Variants in PLA2R1 observed in about 807,000 individuals in gnomAD.
PLA2R1 encodes the protein secretory phospholipase A2 receptor.
A neutral mutation model predicts 195.9 loss-of-function variants in PLA2R1; 158 were observed. The observed-to-expected ratio is 0.81, with a 90% CI of 0.71 to 0.92. The LOEUF is 0.92. Among genes scored for constraint, PLA2R1 ranks in the 40% least tolerant of loss-of-function variants. The pLI is 0.00. For synonymous variants in PLA2R1, 586 were observed against 598.2 expected, an observed-to-expected ratio of 0.98 and a Z score of 0.30; for missense variants, 1,626 against 1,764.6, an observed-to-expected ratio of 0.92 and a Z score of 1.41.
At chr2:160,028,800 G>A (rs1369255251) in intron 5 of PLA2R1, 50 bp downstream of exon 5, 4 of 1,022,856 alleles carry the variant, frequency 3.9e-6, no homozygotes, top group African/African-American at 3.1e-5. Context: ...TGCTGTGTAA[G>A]GGTGCAAGAT....
At chr2:159,963,997 T>C (rs1014472269) in intron 20 of PLA2R1, among the ~76,000 whole-genome samples, 6 of 152,088 alleles carry the variant, frequency 3.9e-5, no homozygotes, top group African/African-American at 1.2e-4. Context: ...AACAGATGAA[T>C]GAATAAACAA....
intron 14 of PLA2R1, among the ~76,000 whole-genome samples, chr2:159,978,329 GT>G (rs951154533): frequency 6.6e-6 from 1 of 152,056 alleles, no homozygotes; most frequent in African/African-American, 2.4e-5. Flanking sequence ...TAAAATTGGG[GT>G]AAAAATTTGG....
downstream of PLA2R1, among the ~76,000 whole-genome samples, chr2:159,930,466 C>A (rs191264508): frequency 6.6e-6 from 1 of 151,764 alleles, no homozygotes; most frequent in Non-Finnish European, 1.5e-5. Flanking sequence ...ATGATGGGTG[C>A]ACCAAAAATC....
intron 1 of PLA2R1, among the ~76,000 whole-genome samples, chr2:160,055,844 G>A (rs1451738614): frequency 3.3e-5 from 5 of 152,172 alleles, no homozygotes; most frequent in Non-Finnish European, 5.9e-5. Flanking sequence ...CAGTAGAGGG[G>A]CATTTTTACC....
At chr2:159,977,717 C>G (rs763631252) in intron 14 of PLA2R1, among the ~76,000 whole-genome samples, 1 of 152,242 alleles carries the variant, frequency 6.6e-6, no homozygotes, top group African/African-American at 2.4e-5. Context: ...GTGGGCAGAT[C>G]ACAAGCTCAG....
At chr2:159,971,109 A>G (rs1475879447) in intron 17 of PLA2R1, among the ~76,000 whole-genome samples, 1 of 152,216 alleles carries the variant, frequency 6.6e-6, no homozygotes, top group Non-Finnish European at 1.5e-5. Flanking sequence ...AATAATAAAA[A>G]AAGGAACCAG....
At chr2:160,037,079 T>G (rs1192385762) in intron 3 of PLA2R1, among the ~76,000 whole-genome samples, 4 of 152,300 alleles carry the variant, frequency 2.6e-5, no homozygotes, top group Admixed American at 2.6e-4. Flanking sequence ...TATCTACAAG[T>G]TAGATCTTCA....
At chr2:160,053,643 G>A (rs890886169) in intron 1 of PLA2R1, among the ~76,000 whole-genome samples, 1 of 152,212 alleles carries the variant, frequency 6.6e-6, no homozygotes, top group Non-Finnish European at 1.5e-5. Context: ...GCACTGCCCC[G>A]AAATGCTACA....
intron 8 of PLA2R1, among the ~76,000 whole-genome samples, chr2:160,018,089 A>G (rs2105455707): frequency 6.6e-6 from 1 of 152,278 alleles, no homozygotes; most frequent in East Asian, 1.9e-4. Context: ...AATAAATGTT[A>G]ATTTTTACAC....
intron 13 of PLA2R1, among the ~76,000 whole-genome samples, chr2:159,981,487 C>T (rs1187046980): frequency 6.6e-6 from 1 of 152,034 alleles, no homozygotes; most frequent in African/African-American, 2.4e-5. Flanking sequence ...CTCACTGCAA[C>T]CTCCTCTTCC....
chr2:160,029,904 A>C (rs1336863950), intron 4 of PLA2R1, among the ~76,000 whole-genome samples: 1 of 152,210 alleles, frequency 6.6e-6, no homozygotes, highest in Non-Finnish European at 1.5e-5. Flanking sequence ...TTCAGAGCCC[A>C]ATTTATTTTT....
chr2:160,057,903 G>T (rs1360284628), intron 1 of PLA2R1, among the ~76,000 whole-genome samples: 1 of 152,212 alleles, frequency 6.6e-6, no homozygotes, highest in Non-Finnish European at 1.5e-5. Context: ...GCACCAGGGG[G>T]TGAATGCCCC....
intron 19 of PLA2R1, among the ~76,000 whole-genome samples, chr2:159,968,144 T>C (rs1688907323): frequency 6.6e-6 from 1 of 151,782 alleles, no homozygotes; most frequent in Non-Finnish European, 1.5e-5. Context: ...CAGCATTTAA[T>C]ACTGATCCTT....
At chr2:159,929,680 A>G (rs569313912), downstream of PLA2R1, among the ~76,000 whole-genome samples, 366 of 152,322 alleles carry the variant, frequency 2.4e-3, 1 homozygote, top group African/African-American at 8.5e-3. Context: ...ATGACATTAT[A>G]CCAAAAAGAT....
rs1421461426 is a variant in PLA2R1, at chr2:159,937,665, T to A, written c.*4113A>T. 4 of 152,248 alleles carry A rather than the reference T, an allele frequency of 2.6e-5. No individual in the cohort carries two copies. The highest frequency in any genetic ancestry group is 9.6e-5 in the African/African-American group (4 of 41,472). 9.4% of individuals were successfully genotyped at this position (152,248 alleles called of 1,614,324 possible). ...ACCAGACTTTTTCTACAGCTTGTTCTCTGACAATAGTCAGGCAGTGGATGA... is the reference window on the plus strand; with the variant it reads ...ACCAGACTTTTTCTACAGCTTGTTCACTGACAATAGTCAGGCAGTGGATGA... On this transcript the variant is annotated 3_prime_UTR_variant, in exon 30 of 30. Transcript: ENST00000283243.
chr2:159,983,983 C>A lies in PLA2R1; in HGVS notation c.2128G>T (p.Ala710Ser), dbSNP rs1022716678. 1.4e-5 allele frequency: 22 copies of A among 1,600,646 alleles called. No homozygotes were observed. Among genetic ancestry groups the A allele is most frequent in the Non-Finnish European group, 1.8e-5 (21 of 1,168,582 alleles). ...ACAAAATTCTCTTCCTCAATATGGG[C>A]AAAGCTTGCAAGATGAGCTCCAAAT... ...EEFGAHLASF[A>S]HIEEENFVNE... Residue 710 changes from alanine to serine, a missense_variant, in exon 13 of 30, where the codon GCC becomes TCC. Ala to Ser is a moderately conservative substitution (Grantham distance 99). Transcript: ENST00000283243.
chr2:160,014,637 T>A (rs1189956307), intron 9 of PLA2R1, among the ~76,000 whole-genome samples: 2 of 152,220 alleles, frequency 1.3e-5, no homozygotes, highest in Admixed American at 6.5e-5. Flanking sequence ...TGATTTCTCA[T>A]AAATTTCTTG....
At chr2:159,986,934 C>T (rs908131271) in intron 12 of PLA2R1, among the ~76,000 whole-genome samples, 1 of 152,090 alleles carries the variant, frequency 6.6e-6, no homozygotes, top group Admixed American at 6.6e-5. Context: ...CATGAGGAAG[C>T]CTTCAATATC....
intron 1 of PLA2R1, among the ~76,000 whole-genome samples, chr2:160,056,470 G>A (rs1203873875): frequency 1.3e-5 from 2 of 152,234 alleles, no homozygotes; most frequent in East Asian, 3.9e-4. Context: ...CTTGGATCTG[G>A]TCACTACCAA....
Sources: allele counts gnomAD v4.1 joint callset (sites outside exome capture counted in the v4.1 genomes callset), GRCh38; gene constraint gnomAD v4.1.1; transcripts MANE v1.5; gene names NCBI Gene and HGNC (gene_info 2026-07-23, HGNC 2026-07-21).